PTPRG: variants seen among roughly 807,000 people sequenced by gnomAD.
PTPRG encodes the protein receptor-type tyrosine-protein phosphatase gamma.
PTPRG carries 102 observed loss-of-function variants against 165.3 expected under a neutral mutation model. That is an observed-to-expected ratio of 0.62 (90% CI 0.53 to 0.73). The LOEUF is 0.73. Among genes scored for constraint, PTPRG ranks in the 30% least tolerant of loss-of-function variants. PTPRG has a pLI of 0.00. For missense variants in PTPRG, 1,866 were observed against 1,861.4 expected (o/e 1.00, Z -0.05); for synonymous variants, 675 against 669.5 (o/e 1.01, Z -0.13).
intron 14 of PTPRG, among the ~76,000 whole-genome samples, chr3:62,241,120 G>C (rs781620858): frequency 3.3e-5 from 5 of 151,952 alleles, no homozygotes; most frequent in Non-Finnish European, 7.4e-5. Flanking sequence ...TTTTCTTTTT[G>C]TTCATTTGTC....
chr3:62,226,978 T>C (rs1158360217), intron 13 of PTPRG, among the ~76,000 whole-genome samples: 3 of 152,196 alleles, frequency 2.0e-5, no homozygotes, highest in Non-Finnish European at 4.4e-5. Flanking sequence ...TTTTCTTCCC[T>C]GGATGTTCAG....
intron 8 of PTPRG, among the ~76,000 whole-genome samples, chr3:62,173,682 G>A (rs369303091): frequency 4.6e-5 from 7 of 152,090 alleles, no homozygotes; most frequent in Non-Finnish European, 7.3e-5. Flanking sequence ...TTTAACACCC[G>A]GTCATCTTTC....
intron 3 of PTPRG, among the ~76,000 whole-genome samples, chr3:61,998,771 A>G (rs1302704129): frequency 6.6e-6 from 1 of 152,226 alleles, no homozygotes; most frequent in Non-Finnish European, 1.5e-5. Flanking sequence ...CACAATCTAC[A>G]TTAATCACAG....
intron 2 of PTPRG, among the ~76,000 whole-genome samples, chr3:61,803,876 C>T (rs561840273): frequency 1.4e-4 from 22 of 152,220 alleles, no homozygotes; most frequent in South Asian, 4.2e-4. Flanking sequence ...TATACTTGCT[C>T]TAGGACATAG....
At chr3:61,958,862 C>G (rs531153552) in intron 2 of PTPRG, among the ~76,000 whole-genome samples, 1 of 152,174 alleles carries the variant, frequency 6.6e-6, no homozygotes, top group Non-Finnish European at 1.5e-5. Context: ...GAAATCCACA[C>G]GAACTTACTT....
chr3:61,670,364 T>C (rs977418747), intron 1 of PTPRG, among the ~76,000 whole-genome samples: 1 of 152,050 alleles, frequency 6.6e-6, no homozygotes, highest in Non-Finnish European at 1.5e-5. Context: ...TCCCAGGGAG[T>C]CTTAAAGATG....
At position 61,742,557 on chromosome 3, in the gene PTPRG, G is replaced by A. The variant is rs570454492; in HGVS notation, c.86-6321G>A. 2.5e-4 allele frequency: 398 copies of A among 1,593,550 alleles called. 2 individuals carry two copies. The African/African-American group carries it at 4.4e-3, about 18-fold the overall frequency. ...ATGACACCAAGAAGTTGACAGCCAG[G>A]TGAATGTTATACACAAGCTCATCGG... On this transcript the variant is annotated intron_variant, in intron 1 of 29. Transcript: ENST00000474889.
At chr3:61,869,338 G>T (rs2037495731) in intron 2 of PTPRG, among the ~76,000 whole-genome samples, 1 of 152,152 alleles carries the variant, frequency 6.6e-6, no homozygotes, top group Non-Finnish European at 1.5e-5. Flanking sequence ...AGACCATCTT[G>T]CCTGCAAACT....
At chr3:61,589,989 G>A (rs1247721410) in intron 1 of PTPRG, among the ~76,000 whole-genome samples, 1 of 152,240 alleles carries the variant, frequency 6.6e-6, no homozygotes, top group Middle Eastern at 3.4e-3. Context: ...GGCCAGAGAT[G>A]ATGCTAGGAG....
At chr3:61,574,716 CA>C (rs1433200417) in intron 1 of PTPRG, among the ~76,000 whole-genome samples, 3 of 152,134 alleles carry the variant, frequency 2.0e-5, no homozygotes, top group African/African-American at 7.2e-5. Flanking sequence ...ATTTAGCTTA[CA>C]GTTTTACAGG....
At chr3:61,981,182 G>A (rs566510612) in intron 2 of PTPRG, among the ~76,000 whole-genome samples, 44 of 128,210 alleles carry the variant, frequency 3.4e-4, no homozygotes, top group African/African-American at 1.2e-3. Flanking sequence ...GTCAGATCTC[G>A]TGAGAACTCA....
At chr3:62,176,584 C>G (rs1705433095) in intron 8 of PTPRG, among the ~76,000 whole-genome samples, 2 of 152,112 alleles carry the variant, frequency 1.3e-5, no homozygotes, top group African/African-American at 4.8e-5. Context: ...GTGCTCTTAC[C>G]TTCCTAAAAG....
At chr3:61,824,098 A>G (rs1314920845) in intron 2 of PTPRG, among the ~76,000 whole-genome samples, 1 of 152,120 alleles carries the variant, frequency 6.6e-6, no homozygotes, top group Non-Finnish European at 1.5e-5. Flanking sequence ...CACTCCATTC[A>G]GCCTGGGCGA....
At chr3:62,088,511 A>G in intron 5 of PTPRG, among the ~76,000 whole-genome samples, 1 of 152,254 alleles carries the variant, frequency 6.6e-6, no homozygotes, top group East Asian at 1.9e-4. Flanking sequence ...CAAAACTTGC[A>G]TGCCAAAATA....
intron 4 of PTPRG, among the ~76,000 whole-genome samples, chr3:62,066,487 T>C (rs1195621567): frequency 6.8e-6 from 1 of 146,622 alleles, no homozygotes; most frequent in African/African-American, 2.5e-5. Flanking sequence ...ACAAAGCAAT[T>C]TCTAAAAAGT....
chr3:61,881,409 A>G (rs963611336), intron 2 of PTPRG, among the ~76,000 whole-genome samples: 4 of 152,208 alleles, frequency 2.6e-5, no homozygotes, highest in Non-Finnish European at 4.4e-5. Context: ...GTAGAATCCC[A>G]GGTGGTGAGT....
In PTPRG at chr3:62,269,053, T is replaced by G; in HGVS notation, c.2893T>G (p.Trp965Gly). The G allele has an allele frequency of 3.1e-6, 5 of 1,593,832 alleles. No homozygotes were observed. The highest frequency in any genetic ancestry group is 4.3e-6 in the Non-Finnish European group (5 of 1,165,616). The part of the protein sequence containing the change: ...EKGRRKCDQY[W>G]PTENSEEYGN... Reference sequence around the variant, plus strand: ...TCTGCAGCGAAAATGTGATCAGTATTGGCCAACAGAGAACAGTGAGGAATA... The same window carrying G: ...TCTGCAGCGAAAATGTGATCAGTATGGGCCAACAGAGAACAGTGAGGAATA... Residue 965 changes from tryptophan (W) to glycine (G), a missense_variant, in exon 20 of 30, where the codon TGG (tryptophan) becomes GGG (glycine). Physicochemically the swap from Trp to Gly is radical, Grantham distance 184 (BLOSUM62 -2). Transcript: ENST00000474889.
intron 2 of PTPRG, among the ~76,000 whole-genome samples, chr3:61,782,837 C>T (rs1001164365): frequency 2.4e-4 from 36 of 152,116 alleles, no homozygotes; most frequent in African/African-American, 8.5e-4. Flanking sequence ...GGGTCTCATT[C>T]TGTTGCCCAG....
chr3:61,941,483 C>T (rs1486500411), intron 2 of PTPRG, among the ~76,000 whole-genome samples: 1 of 152,158 alleles, frequency 6.6e-6, no homozygotes, highest in African/African-American at 2.4e-5. Flanking sequence ...ATTAGCCGGG[C>T]ATGGCGGTGC....
Sources: gnomAD v4.1 joint callset for allele counts (sites outside exome capture counted in the v4.1 genomes callset) on GRCh38, gnomAD v4.1.1 for gene constraint, MANE v1.5 for transcripts, NCBI Gene and HGNC (gene_info 2026-07-23, HGNC 2026-07-21) for gene names.